AGTPBP1: variants seen among roughly 807,000 people sequenced by gnomAD.
AGTPBP1 encodes cytosolic carboxypeptidase 1.
A neutral mutation model predicts 143.9 loss-of-function variants in AGTPBP1; 70 were observed. The observed-to-expected ratio is 0.49, with a 90% confidence interval of 0.40 to 0.59. The LOEUF (loss-of-function observed/expected upper bound fraction) is 0.59. Ranked by LOEUF, AGTPBP1 falls within the 20% of genes least tolerant of loss-of-function variation. The probability of loss-of-function intolerance (pLI) is 0.00; values close to 1 mark genes in which losing one functional copy is unlikely to be tolerated. For synonymous variants in AGTPBP1, 463 were observed against 500.2 expected, an observed-to-expected ratio of 0.93 and a Z score of 0.99; for missense variants, 1,229 against 1,464.5, an observed-to-expected ratio of 0.84 and a Z score of 2.62.
the AGTPBP1 span, among the ~76,000 whole-genome samples, chr9:85,764,266 C>A: frequency 6.6e-6 from 1 of 151,958 alleles, no homozygotes; most frequent in African/African-American, 2.4e-5. Flanking sequence ...GGGTGTCTCA[C>A]GTCTGTAATC....
chr9:85,688,165 A>C (rs528763329), intron 3 of AGTPBP1, among the ~76,000 whole-genome samples: 2 of 151,712 alleles, frequency 1.3e-5, no homozygotes, highest in South Asian at 4.2e-4. Flanking sequence ...CAGAAAGAAG[A>C]AAGCAATAAA....
intron 1 of AGTPBP1, among the ~76,000 whole-genome samples, chr9:85,724,397 T>C (rs1171398053): frequency 6.6e-6 from 1 of 152,094 alleles, no homozygotes; most frequent in Non-Finnish European, 1.5e-5. Context: ...TTGAAAATTA[T>C]CATTACTGAA....
At chr9:85,572,689 T>C (rs1827586072) in intron 25 of AGTPBP1, among the ~76,000 whole-genome samples, 1 of 152,208 alleles carries the variant, frequency 6.6e-6, no homozygotes, top group East Asian at 1.9e-4. Flanking sequence ...AAAGCACCAG[T>C]AACGGTCTGT....
chr9:85,589,736 T>C (rs1828839591), intron 19 of AGTPBP1, 55 bp from the exon 20 acceptor site: 3 of 1,492,818 alleles, frequency 2.0e-6, no homozygotes, highest in Middle Eastern at 1.8e-4. Context: ...CCCTATGATA[T>C]ACAGAAATAA....
the AGTPBP1 span, among the ~76,000 whole-genome samples, chr9:85,779,963 T>C: frequency 6.6e-6 from 1 of 152,220 alleles, no homozygotes; most frequent in Admixed American, 6.5e-5. Flanking sequence ...GACATAAAAT[T>C]AAGTTGATTT....
chr9:85,784,041 T>A, the AGTPBP1 span, among the ~76,000 whole-genome samples: 3 of 152,278 alleles, frequency 2.0e-5, no homozygotes, highest in African/African-American at 7.2e-5. Flanking sequence ...GGTCACTTGA[T>A]GGTCATCCCT....
chr9:85,712,623 G>A, intron 1 of AGTPBP1, 57 bp from the exon 2 acceptor site: 1 of 820,052 alleles, frequency 1.2e-6, no homozygotes, highest in Non-Finnish European at 1.8e-6. Context: ...CTATATATTA[G>A]ATATCACAGA....
chr9:85,578,875 AG>A (rs1363679436), intron 24 of AGTPBP1, 44 bp downstream of exon 24: 1 of 1,572,240 alleles, frequency 6.4e-7, no homozygotes, highest in Admixed American at 1.8e-5. Flanking sequence ...ATGAAAGGAA[AG>A]TCTTCAAATA....
the AGTPBP1 span, among the ~76,000 whole-genome samples, chr9:85,796,326 C>A: frequency 6.6e-6 from 1 of 152,160 alleles, no homozygotes; most frequent in Admixed American, 6.5e-5. Flanking sequence ...TTAGGCTGCA[C>A]AGGGACATCA....
At chr9:85,786,352 G>A in the AGTPBP1 span, 4 of 1,613,918 alleles carry the variant, frequency 2.5e-6, no homozygotes, top group Non-Finnish European at 3.4e-6. Context: ...AACAGAAACA[G>A]ATGATAATCA....
chr9:85,549,914 A>G (rs1825937232), intron 25 of AGTPBP1, among the ~76,000 whole-genome samples: 1 of 152,238 alleles, frequency 6.6e-6, no homozygotes, highest in African/African-American at 2.4e-5. Flanking sequence ...TAGTAAGAGT[A>G]TGGAGCTGGT....
At chr9:85,614,824 G>A (rs1294461582) in intron 17 of AGTPBP1, among the ~76,000 whole-genome samples, 1 of 152,018 alleles carries the variant, frequency 6.6e-6, no homozygotes, top group African/African-American at 2.4e-5. Flanking sequence ...GTGTCTAAGA[G>A]GTCAAAATAA....
intron 2 of AGTPBP1, among the ~76,000 whole-genome samples, chr9:85,705,275 AGT>A (rs1254044108): frequency 2.0e-5 from 3 of 152,070 alleles, no homozygotes; most frequent in African/African-American, 7.2e-5. Flanking sequence ...TTCCAAAATC[AGT>A]GATTTTTAAA....
At chr9:85,733,296 C>A (rs1564194748) in intron 1 of AGTPBP1, among the ~76,000 whole-genome samples, 1 of 152,118 alleles carries the variant, frequency 6.6e-6, no homozygotes, top group East Asian at 1.9e-4. Context: ...AACCTCACAA[C>A]AGGATTAAGT....
chr9:85,684,326 C>T (rs1437824088), intron 3 of AGTPBP1, among the ~76,000 whole-genome samples: 7 of 152,132 alleles, frequency 4.6e-5, no homozygotes, highest in Admixed American at 2.6e-4. Context: ...GCATTCCTTC[C>T]GCCAGTAAAT....
chr9:85,579,365 G>C (rs1828096089), intron 23 of AGTPBP1, among the ~76,000 whole-genome samples: 1 of 151,908 alleles, frequency 6.6e-6, no homozygotes, highest in Non-Finnish European at 1.5e-5. Flanking sequence ...AATCATTTGA[G>C]AAAACCATGT....
intron 11 of AGTPBP1, 81 bp downstream of exon 11, chr9:85,655,062 T>C (rs1833411225): frequency 7.8e-7 from 1 of 1,277,452 alleles, no homozygotes; most frequent in African/African-American, 1.5e-5. Flanking sequence ...TGCTGAGGAG[T>C]TAGACATAAA....
intron 1 of AGTPBP1, among the ~76,000 whole-genome samples, chr9:85,721,360 T>C (rs1013510865): frequency 2.0e-5 from 3 of 152,196 alleles, no homozygotes; most frequent in Non-Finnish European, 2.9e-5. Context: ...ATTGGGTGCA[T>C]ATATATTTAG....
chr9:85,717,106 TA>T (rs1414406670), intron 1 of AGTPBP1, among the ~76,000 whole-genome samples: 1 of 152,212 alleles, frequency 6.6e-6, no homozygotes, highest in Non-Finnish European at 1.5e-5. Context: ...ACCTATTTAA[TA>T]TTGCAAACTA....
Sources: allele counts gnomAD v4.1 joint callset (sites outside exome capture counted in the v4.1 genomes callset), GRCh38; gene constraint gnomAD v4.1.1; transcripts MANE v1.5; gene names NCBI Gene and HGNC (gene_info 2026-07-23, HGNC 2026-07-21).